The following OPHN1 variants were observed in gnomAD, a reference collection of about 807,000 sequenced individuals.
OPHN1 encodes oligophrenin 1.
In OPHN1, 11 loss-of-function variants were observed where a neutral mutation model predicts 60.7. That is an observed-to-expected ratio of 0.18 (90% CI 0.11 to 0.30). The LOEUF is 0.30. OPHN1 is among the 10% of genes least tolerant of loss of function. OPHN1 has a pLI of 1.00. For missense variants in OPHN1, 449 were observed against 611.0 expected (o/e 0.73, Z 2.80); for synonymous variants, 226 against 222.6 (o/e 1.02, Z -0.14).
intron 2 of OPHN1, among the ~76,000 whole-genome samples, chrX:68,310,854 C>T (rs1359025303): frequency 9.0e-6 from 1 of 110,733 alleles, no homozygotes; most frequent in Non-Finnish European, 1.9e-5. Flanking sequence ...AAGAAATCAT[C>T]CAGAGCACAG....
chrX:68,320,394 G>C (rs762333401), intron 2 of OPHN1, among the ~76,000 whole-genome samples: 49 of 111,242 alleles, frequency 4.4e-4, no homozygotes, highest in Middle Eastern at 4.2e-3. Flanking sequence ...TATTACCACA[G>C]AGCTATCAGA....
intron 18 of OPHN1, among the ~76,000 whole-genome samples, chrX:68,104,276 G>C (rs931305683): frequency 3.6e-5 from 4 of 111,692 alleles, no homozygotes; most frequent in Non-Finnish European, 7.5e-5. Context: ...TCCCCATCAA[G>C]CTACCATTGA....
intron 15 of OPHN1, among the ~76,000 whole-genome samples, chrX:68,156,561 C>G (rs1424710780): frequency 9.0e-6 from 1 of 110,555 alleles, no homozygotes; most frequent in Non-Finnish European, 1.9e-5. Flanking sequence ...TCCCCACCAG[C>G]CTGGGCAACC....
intron 15 of OPHN1, among the ~76,000 whole-genome samples, chrX:68,136,056 TGTC>T (rs1225648464): frequency 3.3e-4 from 37 of 111,171 alleles, no homozygotes; most frequent in Non-Finnish European, 6.4e-4. Flanking sequence ...ATGTATTGAG[TGTC>T]ATCCCTAAGT....
chrX:68,049,286 T>G (rs5918806), intron 23 of OPHN1, among the ~76,000 whole-genome samples: 22,775 of 111,328 alleles, frequency 0.2, 1,876 homozygotes, highest in Middle Eastern at 0.29. Flanking sequence ...TTTAAAAAAT[T>G]TGTATAAATT....
intron 15 of OPHN1, among the ~76,000 whole-genome samples, chrX:68,140,626 C>T (rs1393937246): frequency 4.0e-4 from 44 of 109,068 alleles, no homozygotes; most frequent in Admixed American, 1.9e-3. Context: ...GCTGGGCTCC[C>T]GGCTAAACCT....
chrX:68,418,301 A>G (rs2078809279), intron 2 of OPHN1, among the ~76,000 whole-genome samples: 1 of 111,539 alleles, frequency 9.0e-6, no homozygotes, highest in Non-Finnish European at 1.9e-5. Flanking sequence ...AAGGTCTCTA[A>G]GAGGGCTTCC....
intron 2 of OPHN1, among the ~76,000 whole-genome samples, chrX:68,392,373 T>C (rs1048033672): frequency 2.7e-5 from 3 of 111,613 alleles, no homozygotes; most frequent in Non-Finnish European, 5.6e-5. Context: ...AATGGTAAGC[T>C]ATTAATAGTT....
At chrX:68,119,381 C>A in intron 15 of OPHN1, 49 bp from the exon 16 acceptor site, 1 of 944,087 alleles carries the variant, frequency 1.1e-6, no homozygotes. Context: ...TCAAAAAAAT[C>A]TTACATTTTC....
At chrX:68,225,610 G>C (rs932855445) in intron 6 of OPHN1, among the ~76,000 whole-genome samples, 3 of 112,074 alleles carry the variant, frequency 2.7e-5, no homozygotes, top group Non-Finnish European at 5.6e-5. Flanking sequence ...CAGGCAAACA[G>C]GATCTGCAGT....
chrX:68,054,299 T>C (rs1441168031), intron 21 of OPHN1, among the ~76,000 whole-genome samples: 11 of 111,691 alleles, frequency 9.8e-5, no homozygotes, highest in Non-Finnish European at 1.9e-4. Flanking sequence ...TGCCTCTGTG[T>C]CTTTAGTTTC....
At chrX:68,283,760 G>A (rs1307265665) in intron 3 of OPHN1, among the ~76,000 whole-genome samples, 2 of 111,669 alleles carry the variant, frequency 1.8e-5, no homozygotes, top group Non-Finnish European at 3.8e-5. Flanking sequence ...GTATATTCTC[G>A]ACTGGCATCT....
intron 5 of OPHN1, among the ~76,000 whole-genome samples, chrX:68,271,264 G>A (rs1444453512): frequency 1.8e-5 from 2 of 110,410 alleles, no homozygotes; most frequent in African/African-American, 6.6e-5. Context: ...GGTAGCTCAC[G>A]CCTGTAATTC....
intron 5 of OPHN1, among the ~76,000 whole-genome samples, chrX:68,251,180 GTTT>G (rs1161101532): frequency 6.6e-5 from 3 of 45,742 alleles, no homozygotes; most frequent in African/African-American, 2.8e-4. Flanking sequence ...CTCCTCAAAT[GTTT>G]TTTTTTTTTT....
At chrX:68,359,812 T>C (rs1446295082) in intron 2 of OPHN1, among the ~76,000 whole-genome samples, 1 of 90,469 alleles carries the variant, frequency 1.1e-5, no homozygotes, top group Non-Finnish European at 2.0e-5. Flanking sequence ...ACGGAGATCG[T>C]GCCACTGCAC....
intron 15 of OPHN1, among the ~76,000 whole-genome samples, chrX:68,153,091 G>C (rs1346296214): frequency 7.5e-5 from 8 of 107,331 alleles, no homozygotes; most frequent in Non-Finnish European, 1.2e-4. Flanking sequence ...GGTACCTGTA[G>C]TCCCAGCTAT....
intron 15 of OPHN1, among the ~76,000 whole-genome samples, chrX:68,127,569 G>A (rs2077176891): frequency 9.0e-6 from 1 of 111,285 alleles, no homozygotes; most frequent in African/African-American, 3.3e-5. Flanking sequence ...GTGAAGTTGG[G>A]AAAATATGTG....
chrX:68,189,439 T>C (rs1251249863), intron 15 of OPHN1, among the ~76,000 whole-genome samples: 2 of 111,181 alleles, frequency 1.8e-5, no homozygotes, highest in African/African-American at 6.6e-5. Flanking sequence ...ATGTGCCATC[T>C]TGGTGTGCTG....
intron 15 of OPHN1, among the ~76,000 whole-genome samples, chrX:68,156,516 CA>C (rs2147498022): frequency 9.0e-6 from 1 of 110,760 alleles, no homozygotes; most frequent in Non-Finnish European, 1.9e-5. Context: ...AAAGAAAGCC[CA>C]AACCCTTCAG....
Sources: gnomAD v4.1 joint callset for allele counts (sites outside exome capture counted in the v4.1 genomes callset) on GRCh38, gnomAD v4.1.1 for gene constraint, MANE v1.5 for transcripts, NCBI Gene and HGNC (gene_info 2026-07-23, HGNC 2026-07-21) for gene names.